POLH: variants seen among roughly 807,000 people sequenced by gnomAD.
POLH encodes DNA polymerase eta transcript.
In POLH, 53 loss-of-function variants were observed where a neutral mutation model predicts 73.6. The ratio of observed to expected loss-of-function variants is 0.72; its 90% CI spans 0.58 to 0.91. POLH has a LOEUF of 0.91. POLH is among the 40% of genes least tolerant of loss of function. The probability of loss-of-function intolerance (pLI) is 0.00; values close to 1 mark genes in which losing one functional copy is unlikely to be tolerated. For missense variants in POLH, 768 were observed against 865.4 expected, an observed-to-expected ratio of 0.89 and a Z score of 1.41; for synonymous variants, 292 against 308.5, an observed-to-expected ratio of 0.95 and a Z score of 0.56.
In POLH at chr6:43,613,758, C is replaced by T; in HGVS notation, c.1343C>T (p.Pro448Leu). ...TDITSFLSSD[P>L]SSLPKVPVTS... ...ATCACCAGCTTCTTGAGCAGTGACC[C>T]AAGTTCTCTGCCAAAGGTGCCAGTT... Residue 448 changes from proline to leucine, a missense_variant, in exon 11 of 11, where the codon CCA becomes CTA. Pro to Leu is a moderately conservative substitution (Grantham distance 98). Coordinates refer to ENST00000372236, the MANE Select transcript of POLH (RefSeq NM_006502.3). 1.2e-6 allele frequency: 2 copies of T among 1,613,768 alleles called. No homozygotes were observed. The highest frequency in any genetic ancestry group is 1.7e-6 in the Non-Finnish European group (2 of 1,179,880).
intron 1 of POLH, among the ~76,000 whole-genome samples, chr6:43,578,082 GA>G (rs34132452): frequency 0.047 from 6,495 of 136,932 alleles, 194 homozygotes; most frequent in Non-Finnish European, 0.067. Context: ...CTCTGTCTAG[GA>G]AAAAAAAAAA....
chr6:43,595,583 TA>T lies in POLH; in HGVS notation c.491-2105del, dbSNP rs555305487. On this transcript the variant is annotated intron_variant, in intron 4 of 10. Transcript: ENST00000372236. ...TAACATGGTGAAACCCCATCCCTAC[TA>T]AAAAAAATACAAAAAAATTAGCCGG... 2.5e-4 allele frequency among the ~76,000 whole-genome samples: 38 copies of T among 151,618 alleles called. 1 individual carries two copies. The highest frequency in any genetic ancestry group is 8.7e-4 in the African/African-American group (36 of 41,282).
At chr6:43,579,014 T>C (rs1763712255) in intron 1 of POLH, among the ~76,000 whole-genome samples, 1 of 152,244 alleles carries the variant, frequency 6.6e-6, no homozygotes, top group African/African-American at 2.4e-5. Flanking sequence ...TTGTACTAAT[T>C]TATCCTTATG....
In POLH at chr6:43,587,496, C is replaced by G. The variant is rs760400094; in HGVS notation, c.490+7C>G. ...GAAGAGACTGTTCAGAAAGGTACTTCCATAGCATCATACTGCTTCTGCTTC... is the reference window on the plus strand; with the variant it reads ...GAAGAGACTGTTCAGAAAGGTACTTGCATAGCATCATACTGCTTCTGCTTC... On this transcript the variant is annotated splice_region_variant and intron_variant, in intron 4 of 10. Transcript: ENST00000372236. 5 of 1,591,336 alleles carry G rather than the reference C, an allele frequency of 3.1e-6. No individual in the cohort carries two copies. The African/African-American group carries it at 4.0e-5, about 13-fold the overall frequency.
chr6:43,579,582 G>C (rs1763777417), intron 1 of POLH, among the ~76,000 whole-genome samples: 1 of 152,152 alleles, frequency 6.6e-6, no homozygotes, highest in African/African-American at 2.4e-5. Context: ...CCTGAGTTCT[G>C]TGAGCCACTC....
chr6:43,585,674 T>C, intron 3 of POLH, among the ~76,000 whole-genome samples: 1 of 148,112 alleles, frequency 6.8e-6, no homozygotes. Context: ...GGACGGAGTT[T>C]CACTCTTGTT....
chr6:43,597,427 T>TA, intron 4 of POLH, among the ~76,000 whole-genome samples: 1 of 152,250 alleles, frequency 6.6e-6, no homozygotes. Context: ...AAATGTGTTT[T>TA]AAAATCATTG....
chr6:43,588,939 G>T (rs1345060176), intron 4 of POLH, among the ~76,000 whole-genome samples: 2 of 150,700 alleles, frequency 1.3e-5, no homozygotes, highest in East Asian at 1.9e-4. Flanking sequence ...CCGGGTTCAC[G>T]CCATTCTCCT....
intron 5 of POLH, among the ~76,000 whole-genome samples, chr6:43,600,428 A>G (rs1018544759): frequency 4.6e-5 from 7 of 150,972 alleles, no homozygotes; most frequent in African/African-American, 1.7e-4. Flanking sequence ...AAAAAAAAAA[A>G]AAGTTCTCAA....
intron 4 of POLH, chr6:43,588,196 C>T (rs1305247865): frequency 1.3e-5 from 2 of 156,510 alleles, no homozygotes; most frequent in African/African-American, 4.8e-5. Context: ...AATTTCTAAT[C>T]ACTTCTTAGC....
intron 6 of POLH, 126 bp from the exon 7 acceptor site, chr6:43,603,766 A>C (rs1461993680): frequency 5.6e-6 from 5 of 896,600 alleles, no homozygotes; most frequent in Non-Finnish European, 7.4e-6. Flanking sequence ...CTGAATTCCC[A>C]GAATATATGC....
chr6:43,606,424 T>G (rs1767301361), intron 9 of POLH, among the ~76,000 whole-genome samples: 1 of 152,038 alleles, frequency 6.6e-6, no homozygotes, highest in East Asian at 1.9e-4. Flanking sequence ...ATCTGATGAT[T>G]AGTTTCTCTC....
intron 3 of POLH, 69 bp downstream of exon 3, chr6:43,583,210 G>A: frequency 7.0e-7 from 1 of 1,427,910 alleles, no homozygotes; most frequent in African/African-American, 1.4e-5. Flanking sequence ...GCTAGGAACT[G>A]GTGTTTTGAA....
chr6:43,592,404 CTTTT>C (rs897203358), intron 4 of POLH, among the ~76,000 whole-genome samples: 6 of 131,788 alleles, frequency 4.6e-5, no homozygotes, highest in Admixed American at 7.6e-5. Flanking sequence ...TTTGTATCTT[CTTTT>C]TTTTTTTTTT....
intron 3 of POLH, 29 bp downstream of exon 3, chr6:43,583,170 A>T: frequency 6.2e-7 from 1 of 1,607,744 alleles, no homozygotes. Flanking sequence ...TTAAGGAGAC[A>T]TAAAGGAGTC....
At chr6:43,583,625 A>C in intron 3 of POLH, among the ~76,000 whole-genome samples, 1 of 152,162 alleles carries the variant, frequency 6.6e-6, no homozygotes, top group African/African-American at 2.4e-5. Flanking sequence ...GGAATGGGGG[A>C]TATGAATCAG....
intron 6 of POLH, among the ~76,000 whole-genome samples, chr6:43,601,338 T>C (rs1157321486): frequency 1.3e-5 from 2 of 152,146 alleles, no homozygotes; most frequent in Admixed American, 6.5e-5. Flanking sequence ...CGGTGTCAGC[T>C]CCCTGCAACC....
intron 10 of POLH, among the ~76,000 whole-genome samples, 187 bp downstream of exon 10, chr6:43,610,910 G>T (rs1479836798): frequency 6.6e-6 from 1 of 151,416 alleles, no homozygotes; most frequent in Non-Finnish European, 1.5e-5. Context: ...TGAGGTAAAG[G>T]GTAAATGTCA....
chr6:43,613,679 CT>C lies in POLH; in HGVS notation c.1268del (p.Phe423SerfsTer22). 1 of 1,613,888 alleles carries C rather than the reference CT, an allele frequency of 6.2e-7. No individual in the cohort carries two copies. Among genetic ancestry groups the C allele is most frequent in the Non-Finnish European group, 8.5e-7 (1 of 1,179,828 alleles). ...GTATAGGTCTCCTCCTCTCACAATG[CT>C]TTTCCTCTGTGCTACAAAATTTTCT... ...QTEWSPPLTM[L>X]FLCATKFSAS... is the part of the protein sequence containing the mutation. On this transcript the variant is annotated frameshift_variant, in exon 11 of 11. Transcript: ENST00000372236. LOFTEE classifies it high-confidence loss of function.
Sources: allele counts gnomAD v4.1 joint callset (sites outside exome capture counted in the v4.1 genomes callset), GRCh38; gene constraint gnomAD v4.1.1; transcripts MANE v1.5; gene names NCBI Gene and HGNC (gene_info 2026-07-23, HGNC 2026-07-21).